PPP1R9A: variants seen among roughly 807,000 people sequenced by gnomAD.
The protein encoded by PPP1R9A is protein phosphatase 1 regulatory subunit 9A.
Under a neutral mutation model 141.9 loss-of-function variants are expected in PPP1R9A, and 59 were observed. The ratio of observed to expected loss-of-function variants is 0.42; its 90% confidence interval spans 0.34 to 0.52. The LOEUF is 0.52. PPP1R9A is among the 20% of genes least tolerant of loss of function. The pLI is 0.10. For missense variants in PPP1R9A, 1,444 were observed against 1,611.9 expected, an observed-to-expected ratio of 0.90 and a Z score of 1.78; for synonymous variants, 500 against 569.7, an observed-to-expected ratio of 0.88 and a Z score of 1.74.
At chr7:95,177,909 G>A (rs1329927061) in intron 5 of PPP1R9A, among the ~76,000 whole-genome samples, 3 of 152,206 alleles carry the variant, frequency 2.0e-5, no homozygotes, top group Non-Finnish European at 2.9e-5. Context: ...CCTAAGAAAT[G>A]AGATAGACAA....
At chr7:95,072,686 T>TGTA (rs564133256) in intron 2 of PPP1R9A, among the ~76,000 whole-genome samples, 1 of 117,292 alleles carries the variant, frequency 8.5e-6, no homozygotes, top group African/African-American at 3.3e-5. Flanking sequence ...TTACATATTA[T>TGTA]ATATTATGTA....
At chr7:95,193,265 G>A (rs1425063561) in intron 5 of PPP1R9A, among the ~76,000 whole-genome samples, 1 of 152,026 alleles carries the variant, frequency 6.6e-6, no homozygotes, top group East Asian at 1.9e-4. Flanking sequence ...ATAGCTGCCT[G>A]AATGAAGAGA....
At chr7:95,052,571 G>C (rs1810970330) in intron 2 of PPP1R9A, among the ~76,000 whole-genome samples, 1 of 152,190 alleles carries the variant, frequency 6.6e-6, no homozygotes, top group African/African-American at 2.4e-5. Flanking sequence ...GTGTTGAATT[G>C]TAGGCATTTT....
At chr7:95,282,005 G>A (rs1045867541) in intron 16 of PPP1R9A, among the ~76,000 whole-genome samples, 3 of 152,096 alleles carry the variant, frequency 2.0e-5, no homozygotes, top group Non-Finnish European at 4.4e-5. Context: ...TTTCTACACA[G>A]CTAGAGCTTT....
intron 2 of PPP1R9A, among the ~76,000 whole-genome samples, chr7:95,066,489 GA>G (rs891751824): frequency 1.4e-4 from 22 of 152,130 alleles, no homozygotes; most frequent in African/African-American, 5.1e-4. Flanking sequence ...ATGTAGGAAG[GA>G]GAAGTAAACT....
chr7:95,016,329 T>C (rs1454214822), intron 2 of PPP1R9A, among the ~76,000 whole-genome samples: 5 of 152,284 alleles, frequency 3.3e-5, no homozygotes, highest in Non-Finnish European at 7.4e-5. Context: ...AACAGTCTTA[T>C]GCCACACATT....
chr7:95,077,265 C>T (rs1307096561), intron 2 of PPP1R9A, among the ~76,000 whole-genome samples: 1 of 151,988 alleles, frequency 6.6e-6, no homozygotes, highest in Non-Finnish European at 1.5e-5. Flanking sequence ...TGGTCTGTGT[C>T]TTTGTTACTT....
At chr7:95,054,455 C>T (rs149072349) in intron 2 of PPP1R9A, among the ~76,000 whole-genome samples, 44 of 152,052 alleles carry the variant, frequency 2.9e-4, no homozygotes, top group Non-Finnish European at 6.0e-4. Flanking sequence ...ATATCATTAC[C>T]GTACATTGTC....
rs144080015 is a variant in PPP1R9A at position 94,993,660 on chromosome 7, A to T, written c.1395+82152A>T. Among the ~76,000 whole-genome samples the T allele has an allele frequency of 1.8e-4, 27 of 152,142 alleles. No individual in the cohort carries two copies. The East Asian group carries it at 5.2e-3, about 29-fold the overall frequency. On this transcript the variant is annotated intron_variant, in intron 2 of 19. Transcript: ENST00000433360. ...TTTCCTATTTTTGCTGCTAAGGTAGATGGCAATTTTTAAAATTTCAATTTT... is the reference window on the plus strand; with the variant it reads ...TTTCCTATTTTTGCTGCTAAGGTAGTTGGCAATTTTTAAAATTTCAATTTT...
At chr7:95,251,325 C>A (rs959578580) in intron 10 of PPP1R9A, among the ~76,000 whole-genome samples, 4 of 152,164 alleles carry the variant, frequency 2.6e-5, no homozygotes, top group Non-Finnish European at 5.9e-5. Context: ...CCACCCAGCC[C>A]CCTCTTCACT....
intron 2 of PPP1R9A, among the ~76,000 whole-genome samples, chr7:95,040,726 T>G (rs1563155869): frequency 1.3e-5 from 2 of 152,190 alleles, no homozygotes; most frequent in Non-Finnish European, 2.9e-5. Context: ...CACTAGGCAC[T>G]TTTCATTCTC....
chr7:95,022,143 T>C (rs1345013230), intron 2 of PPP1R9A, among the ~76,000 whole-genome samples: 1 of 152,206 alleles, frequency 6.6e-6, no homozygotes, highest in Non-Finnish European at 1.5e-5. Context: ...CTCTCTTATT[T>C]CCTTGAGCAG....
intron 12 of PPP1R9A, among the ~76,000 whole-genome samples, chr7:95,255,205 G>C (rs902361819): frequency 1.3e-5 from 2 of 152,120 alleles, no homozygotes; most frequent in African/African-American, 4.8e-5. Context: ...ACAGAGAATA[G>C]GTATGTTAGA....
At chr7:95,001,057 G>C (rs1802849651) in intron 2 of PPP1R9A, among the ~76,000 whole-genome samples, 1 of 152,162 alleles carries the variant, frequency 6.6e-6, no homozygotes, top group African/African-American at 2.4e-5. Context: ...TGAGAAAACA[G>C]TGATTCCCAG....
chr7:95,269,315 G>T lies in PPP1R9A; in HGVS notation c.2932G>T (p.Val978Leu). The part of the protein sequence containing the change: ...SDSGVPPLTP[V>L]DSNVPFSSDH... ...TTCTGGTGTTCCACCCCTCACCCCG[G>T]TGGATAGCAATGTGCCCTTCTCGTC... The change falls in exon 14 of 20, where the codon GTG becomes TTG. Residue 978 changes from valine (V) to leucine (L), a missense_variant. Transcript: ENST00000433360. The T allele has an allele frequency of 6.3e-7, 1 of 1,598,322 alleles. No individual in the cohort carries two copies. The highest frequency in any genetic ancestry group is 1.1e-5 in the South Asian group (1 of 90,882).
chr7:95,253,327 A>G lies in PPP1R9A; in HGVS notation c.2665+1197A>G, dbSNP rs556385311. On this transcript the variant is annotated intron_variant, in intron 12 of 19. Transcript: ENST00000433360. ...CTTTCTCACATATTAAACTGTCTCC[A>G]GTGAAGTTTTCCTGATAAGCAAGTG... 5.9e-5 allele frequency among the ~76,000 whole-genome samples: 9 copies of G among 152,300 alleles called. No individual in the cohort carries two copies. In the East Asian group the frequency reaches 1.7e-3, roughly 29 times the overall value.
chr7:95,206,566 C>G (rs1003276540), intron 7 of PPP1R9A, among the ~76,000 whole-genome samples: 1 of 152,032 alleles, frequency 6.6e-6, no homozygotes, highest in African/African-American at 2.4e-5. Context: ...TTTTTATTAC[C>G]TCAAATAGTT....
intron 2 of PPP1R9A, among the ~76,000 whole-genome samples, chr7:95,105,082 C>T (rs940446713): frequency 6.6e-6 from 1 of 152,082 alleles, no homozygotes. Flanking sequence ...GAACTGAGAC[C>T]GTGTGGAAGC....
intron 2 of PPP1R9A, among the ~76,000 whole-genome samples, chr7:95,019,223 C>T (rs1365453591): frequency 6.6e-6 from 1 of 152,072 alleles, no homozygotes; most frequent in African/African-American, 2.4e-5. Flanking sequence ...GGTGAAACTC[C>T]ATCTCTACTG....
Sources: allele counts gnomAD v4.1 joint callset (sites outside exome capture counted in the v4.1 genomes callset), GRCh38; gene constraint gnomAD v4.1.1; transcripts MANE v1.5; gene names NCBI Gene and HGNC (gene_info 2026-07-23, HGNC 2026-07-21).